The following SLMAP variants were observed in gnomAD, a reference collection of about 807,000 sequenced individuals.
SLMAP encodes the protein sarcolemma associated protein.
SLMAP carries 44 observed loss-of-function variants against 128.8 expected under a neutral mutation model. The observed-to-expected ratio is 0.34, with a 90% CI of 0.27 to 0.44. The LOEUF is 0.44. Ranked by LOEUF, SLMAP falls within the 20% of genes least tolerant of loss-of-function variation. The pLI is 1.00. For synonymous variants in SLMAP, 327 were observed against 348.8 expected (o/e 0.94, Z 0.70); for missense variants, 787 against 985.3 (o/e 0.80, Z 2.69).
intron 2 of SLMAP, among the ~76,000 whole-genome samples, chr3:57,763,822 G>GT (rs1198143007): frequency 1.3e-5 from 2 of 152,062 alleles, no homozygotes; most frequent in Non-Finnish European, 2.9e-5. Flanking sequence ...AAGAAAAGGT[G>GT]TTTTTTTGGT....
At chr3:57,868,862 T>C (rs1037253939) in intron 13 of SLMAP, among the ~76,000 whole-genome samples, 2 of 130,198 alleles carry the variant, frequency 1.5e-5, no homozygotes, top group Non-Finnish European at 3.0e-5. Flanking sequence ...ATATATATTA[T>C]ATATGTGTGT....
chr3:57,876,940 G>T (rs752148772), intron 14 of SLMAP, among the ~76,000 whole-genome samples: 6 of 152,032 alleles, frequency 3.9e-5, no homozygotes, highest in Non-Finnish European at 8.8e-5. Flanking sequence ...ATTTTCCTGA[G>T]GTCTACTTTG....
rs551854928 is a variant in SLMAP at position 57,796,136 on chromosome 3, G to C, written c.199-35247G>C. 2.5e-4 allele frequency among the ~76,000 whole-genome samples: 38 copies of C among 152,076 alleles called. 2 individuals carry two copies. The South Asian group carries it at 7.9e-3, about 32-fold the overall frequency. On this transcript the variant is annotated intron_variant, in intron 2 of 24. Transcript: ENST00000671191. Reference sequence around the variant, plus strand: ...ACCATTTTGAGTACTCTCTTACTTGGCTCTCCCTTCTATATTTAAAACATC... The same window carrying C: ...ACCATTTTGAGTACTCTCTTACTTGCCTCTCCCTTCTATATTTAAAACATC...
At position 57,757,252 on chromosome 3, in the gene SLMAP, A is replaced by C; in HGVS notation, c.-400A>C. 3.6e-6 allele frequency: 1 copy of C among 280,666 alleles called. No individual in the cohort carries two copies. The highest frequency in any genetic ancestry group is 1.0e-4 in the East Asian group (1 of 9,976). 17.4% of individuals were successfully genotyped at this position (280,666 alleles called of 1,614,324 possible). On this transcript the variant is annotated 5_prime_UTR_variant, in exon 2 of 25. Coordinates refer to ENST00000671191, the MANE Select transcript of SLMAP (RefSeq NM_001377540.1). ...GCAACGTTTCCGCCACCAAGGGGGA[A>C]AAGCGGCCGCGATCTCAAACCAAAC...
At chr3:57,829,251 T>C (rs1307298277) in intron 2 of SLMAP, among the ~76,000 whole-genome samples, 1 of 152,180 alleles carries the variant, frequency 6.6e-6, no homozygotes, top group African/African-American at 2.4e-5. Flanking sequence ...CCTTTTTTCA[T>C]GTATTCTTTA....
At chr3:57,907,081 G>A (rs953371494) in intron 17 of SLMAP, among the ~76,000 whole-genome samples, 4 of 151,844 alleles carry the variant, frequency 2.6e-5, no homozygotes, top group African/African-American at 4.8e-5. Context: ...AGGCTGGAGC[G>A]CAGTGGCGCG....
chr3:57,853,458 G>A (rs925661830), intron 6 of SLMAP, among the ~76,000 whole-genome samples: 7 of 152,112 alleles, frequency 4.6e-5, no homozygotes, highest in African/African-American at 9.7e-5. Context: ...TCTCAGAGGC[G>A]TTAGGGTCAT....
At chr3:57,843,104 T>A (rs1255074006) in intron 4 of SLMAP, among the ~76,000 whole-genome samples, 1 of 152,148 alleles carries the variant, frequency 6.6e-6, no homozygotes, top group Non-Finnish European at 1.5e-5. Context: ...GTAAACTAAT[T>A]TTTAAAAGCA....
intron 12 of SLMAP, 34 bp downstream of exon 12, chr3:57,864,891 A>C (rs753425538): frequency 1.5e-4 from 222 of 1,504,312 alleles, no homozygotes; most frequent in Non-Finnish European, 1.8e-4. Context: ...CTTAAACCTG[A>C]ATTTTATCCT....
At chr3:57,822,838 T>C (rs2092628872) in intron 2 of SLMAP, among the ~76,000 whole-genome samples, 1 of 152,242 alleles carries the variant, frequency 6.6e-6, no homozygotes, top group Admixed American at 6.5e-5. Flanking sequence ...CCTTTTCTTA[T>C]TGGATCCAGG....
intron 4 of SLMAP, among the ~76,000 whole-genome samples, chr3:57,846,648 C>G (rs1211305433): frequency 1.3e-5 from 2 of 151,568 alleles, no homozygotes; most frequent in Admixed American, 6.6e-5. Flanking sequence ...CCTCCACCTC[C>G]TGAGTTCAAG....
At chr3:57,832,173 C>T (rs1194098554) in intron 3 of SLMAP, among the ~76,000 whole-genome samples, 1 of 152,162 alleles carries the variant, frequency 6.6e-6, no homozygotes, top group African/African-American at 2.4e-5. Flanking sequence ...TTACCTGCAG[C>T]TACAAAGAAG....
intron 15 of SLMAP, chr3:57,896,283 C>G: frequency 8.1e-7 from 1 of 1,236,284 alleles, no homozygotes; most frequent in Non-Finnish European, 1.0e-6. Context: ...AGCCCCAGCC[C>G]TCAGCAAAGC....
At chr3:57,834,386 A>T (rs193025528) in intron 3 of SLMAP, among the ~76,000 whole-genome samples, 1 of 152,278 alleles carries the variant, frequency 6.6e-6, no homozygotes, top group African/African-American at 2.4e-5. Context: ...TAGCGAAAAT[A>T]TACAAGATGA....
chr3:57,873,566 A>C (rs1249458111), intron 14 of SLMAP, among the ~76,000 whole-genome samples: 1 of 152,194 alleles, frequency 6.6e-6, no homozygotes, highest in Non-Finnish European at 1.5e-5. Context: ...AGATTAGTAC[A>C]TCTTTTTGTT....
chr3:57,909,012 C>A, intron 18 of SLMAP, 64 bp from the exon 19 acceptor site: 1 of 1,160,582 alleles, frequency 8.6e-7, no homozygotes, highest in Non-Finnish European at 1.3e-6. Flanking sequence ...TTTTCAGCTG[C>A]TCAACTCTGA....
In SLMAP at chr3:57,868,882, AATATATATT is replaced by A. The variant is rs1364621080; in HGVS notation, c.1238-2738_1238-2730del. On this transcript the variant is annotated intron_variant, in intron 13 of 24. Coordinates refer to ENST00000671191, the MANE Select transcript of SLMAP (RefSeq NM_001377540.1). ...TATTATATATGTGTGTATTATATAT[AATATATATT>A]ATATATATTATATATGTGTGTATTA... Among the ~76,000 whole-genome samples, 6 of 138,674 alleles carry A rather than the reference AATATATATT, an allele frequency of 4.3e-5. 1 individual carries two copies. Among genetic ancestry groups the A allele is most frequent in the African/African-American group, 5.3e-5 (2 of 37,558 alleles). 91.0% of individuals were successfully genotyped at this position (138,674 alleles called of 152,430 possible).
rs748362459 is a variant in SLMAP at position 57,858,195 on chromosome 3, A to T, written c.687+36A>T. Reference sequence around the variant, plus strand: ...ACCTCAAATGTGTAAAATGAAATGCATAGTTTTTTATGTAACATCATTTCT... The same window carrying T: ...ACCTCAAATGTGTAAAATGAAATGCTTAGTTTTTTATGTAACATCATTTCT... On this transcript the variant is annotated intron_variant, in intron 8 of 24. Coordinates refer to ENST00000671191, the MANE Select transcript of SLMAP (RefSeq NM_001377540.1). 29 of 1,113,208 alleles carry T rather than the reference A, an allele frequency of 2.6e-5. No individual in the cohort carries two copies. In the South Asian group the frequency reaches 3.6e-4, roughly 14 times the overall value. The allele number at this position is 1,113,208 out of a possible 1,614,324, so 69.0% of individuals were successfully genotyped here. A position where few individuals can be genotyped will look rare whatever the true frequency, so the allele number is the denominator to read the frequency against.
chr3:57,870,466 G>A (rs1039899945), intron 13 of SLMAP, among the ~76,000 whole-genome samples: 2 of 152,046 alleles, frequency 1.3e-5, no homozygotes, highest in African/African-American at 4.8e-5. Context: ...CAAAACACAA[G>A]TTTTATCAAC....
Sources: gnomAD v4.1 joint callset for allele counts (sites outside exome capture counted in the v4.1 genomes callset) on GRCh38, gnomAD v4.1.1 for gene constraint, MANE v1.5 for transcripts, NCBI Gene and HGNC (gene_info 2026-07-23, HGNC 2026-07-21) for gene names.